The following XRN1 variants were observed in gnomAD, a reference collection of about 807,000 sequenced individuals.
XRN1 encodes strand-exchange protein 1 homolog.
XRN1 carries 67 observed loss-of-function variants against 222.3 expected under a neutral mutation model. The ratio of observed to expected loss-of-function variants is 0.30; its 90% CI spans 0.25 to 0.37. The LOEUF (loss-of-function observed/expected upper bound fraction) is 0.37, where lower values mean the gene tolerates loss of function less well. XRN1 is among the 10% of genes least tolerant of loss of function. XRN1 has a pLI of 1.00. For missense variants in XRN1, 1,707 were observed against 2,000.2 expected (o/e 0.85, Z 2.80); for synonymous variants, 643 against 652.4 (o/e 0.99, Z 0.22).
At chr3:142,425,173 A>G (rs1485017355) in intron 5 of XRN1, 49 bp downstream of exon 5, 1 of 1,286,074 alleles carries the variant, frequency 7.8e-7, no homozygotes, top group East Asian at 2.6e-5. Flanking sequence ...AATCTCTTAG[A>G]TATTTAACTA....
At chr3:142,393,538 A>G (rs2067814340) in intron 20 of XRN1, among the ~76,000 whole-genome samples, 1 of 151,164 alleles carries the variant, frequency 6.6e-6, no homozygotes, top group Non-Finnish European at 1.5e-5. Context: ...TCAGCTTTCT[A>G]CATATGGCTA....
At chr3:142,364,012 C>T (rs771841034) in intron 29 of XRN1, among the ~76,000 whole-genome samples, 12 of 152,204 alleles carry the variant, frequency 7.9e-5, no homozygotes, top group Non-Finnish European at 1.3e-4. Flanking sequence ...TACAGAACCA[C>T]TGTTCAAATT....
intron 36 of XRN1, among the ~76,000 whole-genome samples, chr3:142,330,067 A>C (rs1436074081): frequency 1.3e-5 from 2 of 152,236 alleles, no homozygotes; most frequent in Non-Finnish European, 2.9e-5. Context: ...TTAAAATATA[A>C]GTACCTAACT....
intron 1 of XRN1, among the ~76,000 whole-genome samples, chr3:142,440,889 C>T (rs1233093929): frequency 6.6e-6 from 1 of 152,198 alleles, no homozygotes; most frequent in Non-Finnish European, 1.5e-5. Context: ...GACTGTTTTA[C>T]CCCAAGGGTT....
chr3:142,434,657 C>A (rs1022775883), intron 1 of XRN1, among the ~76,000 whole-genome samples: 3 of 151,830 alleles, frequency 2.0e-5, no homozygotes, highest in Non-Finnish European at 2.9e-5. Flanking sequence ...ACTTGAGAGA[C>A]TGAAGTGAGA....
chr3:142,350,809 G>A (rs2066282515), intron 32 of XRN1, among the ~76,000 whole-genome samples: 1 of 152,196 alleles, frequency 6.6e-6, no homozygotes, highest in Admixed American at 6.5e-5. Context: ...TGAAAGGAGG[G>A]AGTGGCTATT....
intron 20 of XRN1, among the ~76,000 whole-genome samples, chr3:142,392,550 C>T (rs1310154485): frequency 6.6e-6 from 1 of 152,012 alleles, no homozygotes; most frequent in Non-Finnish European, 1.5e-5. Flanking sequence ...GTTCAGTTCC[C>T]ACCTATGAGT....
intron 21 of XRN1, among the ~76,000 whole-genome samples, chr3:142,384,128 C>G (rs1431486715): frequency 1.3e-5 from 2 of 151,890 alleles, no homozygotes; most frequent in Admixed American, 1.3e-4. Flanking sequence ...AAAAATTAGC[C>G]AGGTGTGCTG....
chr3:142,445,197 A>AT (rs953526003), intron 1 of XRN1, among the ~76,000 whole-genome samples: 6 of 148,828 alleles, frequency 4.0e-5, no homozygotes, highest in African/African-American at 7.4e-5. Flanking sequence ...TCAGCTCTGC[A>AT]TTTTTTTTTC....
At chr3:142,379,629 T>C (rs1276551983) in intron 23 of XRN1, among the ~76,000 whole-genome samples, 3 of 152,202 alleles carry the variant, frequency 2.0e-5, no homozygotes, top group Non-Finnish European at 4.4e-5. Flanking sequence ...CTGAAAAAGA[T>C]GCTGTTAACT....
chr3:142,417,265 T>A (rs2068824132), intron 12 of XRN1, 36 bp from the exon 13 acceptor site: 2 of 1,589,936 alleles, frequency 1.3e-6, no homozygotes, highest in East Asian at 4.5e-5. Context: ...ACATATTTTC[T>A]GAAGACAGGC....
chr3:142,319,234 C>T (rs2065285625), intron 37 of XRN1, among the ~76,000 whole-genome samples: 1 of 152,198 alleles, frequency 6.6e-6, no homozygotes, highest in African/African-American at 2.4e-5. Context: ...TGGCCACATC[C>T]ATTCTAATGG....
At chr3:142,397,187 G>C in intron 20 of XRN1, 142 bp downstream of exon 20, 2 of 764,398 alleles carry the variant, frequency 2.6e-6, no homozygotes, top group Non-Finnish European at 3.7e-6. Context: ...TTTTAAACTA[G>C]AACTCATTAC....
chr3:142,308,365 G>A lies in XRN1; in HGVS notation c.*3146C>T, dbSNP rs746896799. The A allele has an allele frequency of 1.3e-5, 2 of 152,000 alleles. No homozygotes were observed. Among genetic ancestry groups the A allele is most frequent in the Non-Finnish European group, 2.9e-5 (2 of 68,006 alleles). 9.4% of individuals were successfully genotyped at this position (152,000 alleles called of 1,614,324 possible). Reference sequence around the variant, plus strand: ...AAGTAGCAGTCTAAAATGAAAGCAGGTACCTGATCATAGAAAGAAACAATA... The same window carrying A: ...AAGTAGCAGTCTAAAATGAAAGCAGATACCTGATCATAGAAAGAAACAATA... On this transcript the variant is annotated 3_prime_UTR_variant, in exon 41 of 41. Coordinates refer to ENST00000392981, the MANE Select transcript of XRN1 (RefSeq NM_001282857.2).
rs930274109 is a variant in XRN1, at chr3:142,308,432, G to A, written c.*3079C>T. On this transcript the variant is annotated 3_prime_UTR_variant, in exon 41 of 41. Transcript: ENST00000392981. ...TAGTTCTTCATTCCTCCACCAATCG[G>A]GAAAAAAACCCTTCAATCTTTATTA... 1 of 151,832 alleles carries A rather than the reference G, an allele frequency of 6.6e-6. No homozygotes were observed. The highest frequency in any genetic ancestry group is 1.5e-5 in the Non-Finnish European group (1 of 67,946). 9.4% of individuals were successfully genotyped at this position (151,832 alleles called of 1,614,324 possible). A position where few individuals can be genotyped will look rare whatever the true frequency, so the allele number is the denominator to read the frequency against.
intron 33 of XRN1, among the ~76,000 whole-genome samples, chr3:142,337,377 G>A (rs1034703479): frequency 3.9e-5 from 6 of 152,146 alleles, no homozygotes; most frequent in East Asian, 1.9e-4. Flanking sequence ...ATCTTAGAGT[G>A]TAAACTCCAT....
At chr3:142,412,212 TC>T (rs1451020730) in intron 15 of XRN1, among the ~76,000 whole-genome samples, 10 of 152,198 alleles carry the variant, frequency 6.6e-5, no homozygotes, top group African/African-American at 2.4e-4. Context: ...AATTTTTGCT[TC>T]ATGTATTTTA....
intron 22 of XRN1, among the ~76,000 whole-genome samples, chr3:142,382,295 G>T (rs2067331443): frequency 6.6e-6 from 1 of 151,770 alleles, no homozygotes; most frequent in African/African-American, 2.4e-5. Flanking sequence ...TATCATAATG[G>T]TTGCACAATG....
intron 27 of XRN1, among the ~76,000 whole-genome samples, chr3:142,366,088 T>C (rs1427341668): frequency 6.6e-6 from 1 of 152,196 alleles, no homozygotes; most frequent in Non-Finnish European, 1.5e-5. Flanking sequence ...GAACTCACAC[T>C]TAACTACTTT....
Sources: gnomAD v4.1 joint callset for allele counts (sites outside exome capture counted in the v4.1 genomes callset) on GRCh38, gnomAD v4.1.1 for gene constraint, MANE v1.5 for transcripts, NCBI Gene and HGNC (gene_info 2026-07-23, HGNC 2026-07-21) for gene names.